The following CAB39L variants were observed in gnomAD, a reference collection of about 807,000 sequenced individuals.
The protein encoded by CAB39L is calcium-binding protein 39-like.
In CAB39L, 23 loss-of-function variants were observed where a neutral mutation model predicts 39.1. The ratio of observed to expected loss-of-function variants is 0.59; its 90% CI spans 0.42 to 0.83. The LOEUF (loss-of-function observed/expected upper bound fraction) is 0.83, where lower values mean the gene tolerates loss of function less well. Among genes scored for constraint, CAB39L ranks in the 40% least tolerant of loss-of-function variants. The pLI is 0.00. For synonymous variants in CAB39L, 126 were observed against 137.2 expected, an observed-to-expected ratio of 0.92 and a Z score of 0.57; for missense variants, 366 against 391.9, an observed-to-expected ratio of 0.93 and a Z score of 0.56.
chr13:49,329,898 A>G (rs1954638381), intron 10 of CAB39L, among the ~76,000 whole-genome samples: 1 of 151,586 alleles, frequency 6.6e-6, no homozygotes, highest in Admixed American at 6.6e-5. Context: ...TCCACGACCC[A>G]CCCCTTTCTC....
intron 3 of CAB39L, among the ~76,000 whole-genome samples, chr13:49,431,041 A>T (rs892953431): frequency 1.3e-5 from 2 of 152,314 alleles, no homozygotes; most frequent in Admixed American, 6.5e-5. Flanking sequence ...AATAAGCTGC[A>T]CATATTTAAA....
At chr13:49,403,018 G>A (rs2138661587) in intron 3 of CAB39L, among the ~76,000 whole-genome samples, 1 of 152,174 alleles carries the variant, frequency 6.6e-6, no homozygotes, top group East Asian at 1.9e-4. Flanking sequence ...TTATAAAAGT[G>A]GTTCTTAGGA....
At chr13:49,431,353 T>G (rs1234829338) in intron 3 of CAB39L, among the ~76,000 whole-genome samples, 3 of 152,212 alleles carry the variant, frequency 2.0e-5, no homozygotes, top group African/African-American at 7.2e-5. Context: ...TATACCACAA[T>G]TTTGTTATTC....
At chr13:49,408,005 A>C (rs1234941205) in intron 3 of CAB39L, among the ~76,000 whole-genome samples, 8 of 152,182 alleles carry the variant, frequency 5.3e-5, no homozygotes, top group Non-Finnish European at 1.0e-4. Context: ...AGAGCTAAAT[A>C]ATTTGCGGAC....
chr13:49,343,844 TA>T (rs1423348161), intron 8 of CAB39L, among the ~76,000 whole-genome samples: 1 of 152,232 alleles, frequency 6.6e-6, no homozygotes, highest in African/African-American at 2.4e-5. Context: ...ATCAACCAAG[TA>T]AAATGATGTA....
intron 10 of CAB39L, among the ~76,000 whole-genome samples, chr13:49,319,999 G>A (rs1954298696): frequency 6.6e-6 from 1 of 152,126 alleles, no homozygotes; most frequent in South Asian, 2.1e-4. Context: ...ATAAACCTAA[G>A]GAAAATGCTA....
At chr13:49,372,452 G>T (rs1955947307) in intron 5 of CAB39L, among the ~76,000 whole-genome samples, 1 of 152,156 alleles carries the variant, frequency 6.6e-6, no homozygotes, top group Non-Finnish European at 1.5e-5. Context: ...AAGTAGGTTT[G>T]TCAAAGATTC....
At chr13:49,324,508 T>C (rs751974937) in intron 10 of CAB39L, among the ~76,000 whole-genome samples, 3 of 152,122 alleles carry the variant, frequency 2.0e-5, no homozygotes, top group Non-Finnish European at 4.4e-5. Flanking sequence ...TTCTACGAAA[T>C]ACAAAGGTCT....
chr13:49,346,122 T>TATATATATATATATATATATA lies in CAB39L; in HGVS notation c.565-1885_565-1884insTATATATATATATATATATAT, dbSNP rs1566079395. Among the ~76,000 whole-genome samples the TATATATATATATATATATATA allele has an allele frequency of 7.6e-5, 9 of 118,862 alleles. 1 individual carries two copies. The South Asian group carries it at 8.3e-4, about 11-fold the overall frequency. 78.0% of individuals were successfully genotyped at this position (118,862 alleles called of 152,430 possible). A position where few individuals can be genotyped will look rare whatever the true frequency, so the allele number is the denominator to read the frequency against. ...CTAGATATATATATATATATATATA[T>TATATATATATATATATATATA]ATCATGGATACAGCCAATAAACAAT... On this transcript the variant is annotated intron_variant, in intron 7 of 10. Transcript: ENST00000409308.
chr13:49,320,658 C>G (rs1484857789), intron 10 of CAB39L, among the ~76,000 whole-genome samples: 1 of 152,128 alleles, frequency 6.6e-6, no homozygotes, highest in Non-Finnish European at 1.5e-5. Flanking sequence ...GTGCTGCAAG[C>G]CTGGAATGCT....
At chr13:49,386,748 G>A (rs1182844890) in intron 3 of CAB39L, among the ~76,000 whole-genome samples, 3 of 151,270 alleles carry the variant, frequency 2.0e-5, no homozygotes, top group African/African-American at 7.3e-5. Context: ...GAACTCTCCT[G>A]CCTCTCCCAG....
intron 9 of CAB39L, among the ~76,000 whole-genome samples, chr13:49,332,393 G>T (rs1054095844): frequency 3.3e-5 from 5 of 152,064 alleles, no homozygotes; most frequent in African/African-American, 1.2e-4. Context: ...TAATTATCTT[G>T]CTTCGCACTA....
At chr13:49,341,912 CAAAT>C (rs1955019937) in intron 8 of CAB39L, among the ~76,000 whole-genome samples, 1 of 152,124 alleles carries the variant, frequency 6.6e-6, no homozygotes, top group Non-Finnish European at 1.5e-5. Context: ...ACACTTAAAA[CAAAT>C]ACTCTAGTTG....
chr13:49,426,939 A>G (rs994710755), intron 3 of CAB39L, among the ~76,000 whole-genome samples: 1 of 152,216 alleles, frequency 6.6e-6, no homozygotes, highest in East Asian at 1.9e-4. Flanking sequence ...TTCACTTAGA[A>G]GAAGCCATTT....
intron 5 of CAB39L, among the ~76,000 whole-genome samples, chr13:49,364,688 T>G (rs1450928253): frequency 6.6e-6 from 1 of 151,836 alleles, no homozygotes; most frequent in Non-Finnish European, 1.5e-5. Context: ...GAAATCCCAT[T>G]TATAATAGCA....
chr13:49,312,731 C>T (rs919535305), intron 10 of CAB39L, among the ~76,000 whole-genome samples: 2 of 152,218 alleles, frequency 1.3e-5, no homozygotes, highest in Non-Finnish European at 1.5e-5. Context: ...TGGGAGCTAT[C>T]TATGAACATT....
At chr13:49,387,885 A>G (rs1320743861) in intron 3 of CAB39L, among the ~76,000 whole-genome samples, 1 of 152,202 alleles carries the variant, frequency 6.6e-6, no homozygotes, top group African/African-American at 2.4e-5. Flanking sequence ...AACAATACAG[A>G]AAATGGGTCT....
At chr13:49,378,668 T>A (rs1196183190) in intron 4 of CAB39L, among the ~76,000 whole-genome samples, 5 of 48,634 alleles carry the variant, frequency 1.0e-4, no homozygotes, top group Admixed American at 6.8e-4. Context: ...TACTGGGAAG[T>A]GAGGAGCCCC....
At chr13:49,442,363 A>C (rs1957538382) in intron 1 of CAB39L, among the ~76,000 whole-genome samples, 1 of 152,214 alleles carries the variant, frequency 6.6e-6, no homozygotes, top group African/African-American at 2.4e-5. Flanking sequence ...CTTTGATTCT[A>C]TCTCTATTTC....
Sources: gnomAD v4.1 joint callset for allele counts (sites outside exome capture counted in the v4.1 genomes callset) on GRCh38, gnomAD v4.1.1 for gene constraint, MANE v1.5 for transcripts, NCBI Gene and HGNC (gene_info 2026-07-23, HGNC 2026-07-21) for gene names.